DMGDH: variants seen among roughly 807,000 people sequenced by gnomAD.
DMGDH encodes dimethylglycine dehydrogenase, mitochondrial.
In DMGDH, 76 loss-of-function variants were observed where a neutral mutation model predicts 95.2. The observed-to-expected ratio is 0.80, with a 90% confidence interval of 0.66 to 0.97. The LOEUF is 0.97. Ranked by LOEUF, DMGDH falls within the 50% of genes least tolerant of loss-of-function variation. The pLI is 0.00. For missense variants in DMGDH, 987 were observed against 1,055.0 expected (o/e 0.94, Z 0.89); for synonymous variants, 345 against 377.6 (o/e 0.91, Z 1.00).
chr5:79,002,127 T>G (rs77111050), intron 15 of DMGDH, among the ~76,000 whole-genome samples: 5,950 of 152,308 alleles, frequency 0.039, 375 homozygotes, highest in African/African-American at 0.13. Context: ...TCTATCTGAC[T>G]TCCAGAAGAT....
intron 5 of DMGDH, among the ~76,000 whole-genome samples, chr5:79,045,141 T>C (rs1754635623): frequency 6.6e-6 from 1 of 152,212 alleles, no homozygotes; most frequent in Admixed American, 6.5e-5. Flanking sequence ...AGAAAGCACA[T>C]TAAGTTTTAT....
chr5:79,042,578 G>T, intron 6 of DMGDH, 97 bp from the exon 7 acceptor site: 1 of 1,216,210 alleles, frequency 8.2e-7, no homozygotes, highest in Non-Finnish European at 1.2e-6. Flanking sequence ...TTTAAAGATG[G>T]CCTGTTAGGA....
At chr5:79,011,048 T>C (rs184704412) in intron 14 of DMGDH, among the ~76,000 whole-genome samples, 2 of 152,308 alleles carry the variant, frequency 1.3e-5, no homozygotes, top group East Asian at 3.9e-4. Context: ...TATGACAATC[T>C]GAACTTTCTT....
At chr5:79,020,122 T>C (rs1338911300) in intron 14 of DMGDH, among the ~76,000 whole-genome samples, 1 of 152,220 alleles carries the variant, frequency 6.6e-6, no homozygotes, top group Non-Finnish European at 1.5e-5. Flanking sequence ...GTTCAGCCAG[T>C]TGAAAATCTT....
intron 9 of DMGDH, among the ~76,000 whole-genome samples, chr5:79,031,762 A>G (rs185907775): frequency 5.9e-5 from 9 of 152,372 alleles, no homozygotes; most frequent in Admixed American, 2.0e-4. Context: ...TGTCTGTAAC[A>G]TGAATTTTCA....
rs762091133 is a variant in DMGDH at position 79,029,935 on chromosome 5, T to A, written c.1783A>T (p.Thr595Ser). ...HQSPGEFLLI[T>S]GSGSELHDLR... ...TCATGAAGTTCTGATCCAGAGCCAGTAATTAAAAGAAACTCCCCAGGAGAT... is the reference window on the plus strand; with the variant it reads ...TCATGAAGTTCTGATCCAGAGCCAGAAATTAAAAGAAACTCCCCAGGAGAT... The change falls in exon 11 of 16, where the codon ACT becomes TCT. Residue 595 changes from threonine to serine, a missense_variant. By Grantham distance (58) the Thr-to-Ser change is moderately conservative (BLOSUM62 1). Coordinates refer to ENST00000255189, the MANE Select transcript of DMGDH (RefSeq NM_013391.3). 7 of 1,613,940 alleles carry A rather than the reference T, an allele frequency of 4.3e-6. No homozygotes were observed. The African/African-American group carries it at 9.3e-5, about 22-fold the overall frequency.
intron 14 of DMGDH, among the ~76,000 whole-genome samples, chr5:79,006,987 A>G (rs970655354): frequency 6.6e-6 from 1 of 152,228 alleles, no homozygotes; most frequent in Non-Finnish European, 1.5e-5. Flanking sequence ...GGTTAAAATA[A>G]TGTGCAAAAT....
At chr5:79,063,137 T>C (rs1159145545) in intron 2 of DMGDH, among the ~76,000 whole-genome samples, 1 of 151,630 alleles carries the variant, frequency 6.6e-6, no homozygotes, top group Non-Finnish European at 1.5e-5. Context: ...CATAAGTAAA[T>C]AAAAGGACCA....
intron 1 of DMGDH, among the ~76,000 whole-genome samples, chr5:79,068,836 T>C (rs1755456925): frequency 6.6e-6 from 1 of 152,248 alleles, no homozygotes; most frequent in Admixed American, 6.5e-5. Context: ...AAATGGGCTA[T>C]TCTGGGAACC....
intron 14 of DMGDH, among the ~76,000 whole-genome samples, chr5:79,013,299 A>G (rs977928095): frequency 1.3e-5 from 2 of 152,188 alleles, no homozygotes; most frequent in African/African-American, 4.8e-5. Context: ...GCTAATGCAT[A>G]ACAAAAGTGA....
chr5:79,036,509 A>G (rs573463648), intron 7 of DMGDH, among the ~76,000 whole-genome samples: 7 of 152,346 alleles, frequency 4.6e-5, no homozygotes, highest in Middle Eastern at 3.4e-3. Flanking sequence ...ACAATTCATA[A>G]GACTTTTTTG....
chr5:79,032,687 C>T lies in DMGDH; in HGVS notation c.1517G>A (p.Arg506Lys), dbSNP rs187836704. ...CAGGCAGGTAAAGTCCTTCTCCCAC[C>T]TGTACTGAGTGTCCTGGCCTGGTTT... ...FYKPGQDTQY[R>K]PSFRRTNWFE... is the part of the protein sequence containing the mutation. Residue 506 changes from arginine (R) to lysine (K), a missense_variant and splice_region_variant, in exon 9 of 16, where the codon AGG (arginine) becomes AAG (lysine). Arg to Lys is a conservative substitution (Grantham distance 26). Coordinates refer to ENST00000255189, the MANE Select transcript of DMGDH (RefSeq NM_013391.3). 10 of 1,614,144 alleles carry T rather than the reference C, an allele frequency of 6.2e-6. No individual in the cohort carries two copies. In the Admixed American group the frequency reaches 1.2e-4, roughly 19 times the overall value.
chr5:79,002,252 C>T (rs866537423), intron 15 of DMGDH, among the ~76,000 whole-genome samples: 1 of 152,178 alleles, frequency 6.6e-6, no homozygotes, highest in South Asian at 2.1e-4. Context: ...TTTAAAAAAC[C>T]TTCTAAGCTC....
intron 2 of DMGDH, among the ~76,000 whole-genome samples, chr5:79,063,271 CAT>C (rs1173084379): frequency 3.9e-5 from 6 of 152,152 alleles, no homozygotes; most frequent in Admixed American, 1.3e-4. Context: ...TAATTTTGCA[CAT>C]GTTAACTCAA....
In DMGDH at chr5:79,069,483, G is replaced by T. The variant is rs371850102; in HGVS notation, c.101+37C>A. ...GCCTCTGGCTCCCACCCCCGCAGCCGCCCCGTCGCCTCTGAGCAGGACGGG... is the reference window on the plus strand; with the variant it reads ...GCCTCTGGCTCCCACCCCCGCAGCCTCCCCGTCGCCTCTGAGCAGGACGGG... On this transcript the variant is annotated intron_variant, in intron 1 of 15. Coordinates refer to ENST00000255189, the MANE Select transcript of DMGDH (RefSeq NM_013391.3). 31 of 1,216,818 alleles carry T rather than the reference G, an allele frequency of 2.5e-5. No individual in the cohort carries two copies. The African/African-American group carries it at 3.7e-4, about 15-fold the overall frequency. 75.4% of individuals were successfully genotyped at this position (1,216,818 alleles called of 1,614,324 possible). A position where few individuals can be genotyped will look rare whatever the true frequency, so the allele number is the denominator to read the frequency against.
chr5:79,029,032 T>G (rs188269488), intron 11 of DMGDH, among the ~76,000 whole-genome samples: 1 of 152,212 alleles, frequency 6.6e-6, no homozygotes, highest in Non-Finnish European at 1.5e-5. Flanking sequence ...GGCACACTTA[T>G]GTTGCTAAAG....
At chr5:79,024,754 A>T (rs760627328) in intron 13 of DMGDH, among the ~76,000 whole-genome samples, 1 of 152,130 alleles carries the variant, frequency 6.6e-6, no homozygotes, top group Non-Finnish European at 1.5e-5. Flanking sequence ...GATAGTAGGA[A>T]GGTGGCTGAT....
intron 7 of DMGDH, among the ~76,000 whole-genome samples, chr5:79,035,700 AT>A (rs1754328850): frequency 6.7e-6 from 1 of 150,114 alleles, no homozygotes; most frequent in African/African-American, 2.4e-5. Flanking sequence ...ACATGAGCAA[AT>A]AAATGGGCAG....
intron 15 of DMGDH, chr5:79,000,856 G>T (rs1425119047): frequency 3.1e-6 from 2 of 640,280 alleles, no homozygotes; most frequent in East Asian, 5.2e-5. Flanking sequence ...TATTTCCTCA[G>T]GCTATTCAAT....
Sources: allele counts gnomAD v4.1 joint callset (sites outside exome capture counted in the v4.1 genomes callset), GRCh38; gene constraint gnomAD v4.1.1; transcripts MANE v1.5; gene names NCBI Gene and HGNC (gene_info 2026-07-23, HGNC 2026-07-21).